HDAC4: variants seen among roughly 807,000 people sequenced by gnomAD.
HDAC4 encodes histone deacetylase 4.
Under a neutral mutation model 135.1 loss-of-function variants are expected in HDAC4, and 16 were observed. The ratio of observed to expected loss-of-function variants is 0.12; its 90% confidence interval spans 0.08 to 0.18. The LOEUF is 0.18. HDAC4 is among the 10% of genes least tolerant of loss of function. HDAC4 has a pLI of 1.00. For missense variants in HDAC4, 1,143 were observed against 1,511.8 expected (o/e 0.76, Z 4.05); for synonymous variants, 685 against 653.4 (o/e 1.05, Z -0.74).
intron 12 of HDAC4, among the ~76,000 whole-genome samples, chr2:239,120,409 A>ACAGACG (rs1559467037): frequency 8.4e-5 from 11 of 130,864 alleles, no homozygotes; most frequent in East Asian, 6.9e-4. Context: ...ACAGACACAC[A>ACAGACG]CACACAGACA....
At chr2:239,348,523 C>G (rs1001643473) in intron 2 of HDAC4, among the ~76,000 whole-genome samples, 1 of 152,196 alleles carries the variant, frequency 6.6e-6, no homozygotes, top group African/African-American at 2.4e-5. Flanking sequence ...GGAGAACTGT[C>G]CTTGGAGGAA....
At chr2:239,111,110 C>G (rs1006037416) in intron 14 of HDAC4, among the ~76,000 whole-genome samples, 1 of 152,270 alleles carries the variant, frequency 6.6e-6, no homozygotes, top group South Asian at 2.1e-4. Flanking sequence ...GCCAGCCATT[C>G]ACAGCCCTGT....
intron 14 of HDAC4, among the ~76,000 whole-genome samples, chr2:239,108,773 A>G (rs2038390385): frequency 6.6e-6 from 1 of 152,208 alleles, no homozygotes. Context: ...ACCCATGTAC[A>G]CAGGTCTACT....
chr2:239,205,501 T>C (rs1287288549), intron 3 of HDAC4, among the ~76,000 whole-genome samples: 1 of 151,922 alleles, frequency 6.6e-6, no homozygotes, highest in East Asian at 1.9e-4. Context: ...TATAAACATA[T>C]ACCAGGCTGA....
chr2:239,138,832 C>A (rs1254353016), intron 9 of HDAC4, among the ~76,000 whole-genome samples: 1 of 152,216 alleles, frequency 6.6e-6, no homozygotes, highest in Non-Finnish European at 1.5e-5. Context: ...GCAGGGGGCG[C>A]AAAGGAGCTC....
intron 20 of HDAC4, 39 bp from the exon 21 acceptor site, chr2:239,082,260 G>A (rs543778910): frequency 1.9e-6 from 3 of 1,613,998 alleles, no homozygotes; most frequent in South Asian, 2.2e-5. Flanking sequence ...GCTGAGGCAG[G>A]TATTGGAGGG....
At chr2:239,321,454 G>A (rs553691403) in intron 2 of HDAC4, among the ~76,000 whole-genome samples, 6 of 90,108 alleles carry the variant, frequency 6.7e-5, no homozygotes, top group Non-Finnish European at 1.2e-4. Flanking sequence ...GAAAGAGCAA[G>A]ACTCCGTCTC....
intron 1 of HDAC4, among the ~76,000 whole-genome samples, chr2:239,379,687 T>C (rs1006843961): frequency 1.2e-4 from 18 of 152,248 alleles, no homozygotes; most frequent in Admixed American, 6.5e-4. Flanking sequence ...ACCATTCCCC[T>C]GGCAGCCCCA....
At chr2:239,215,060 G>C (rs1291474033) in intron 3 of HDAC4, among the ~76,000 whole-genome samples, 1 of 152,204 alleles carries the variant, frequency 6.6e-6, no homozygotes, top group Non-Finnish European at 1.5e-5. Flanking sequence ...GCAGACATTC[G>C]AGCGGCAGAA....
chr2:239,102,975 A>G, intron 15 of HDAC4, 79 bp from the exon 16 acceptor site: 1 of 1,570,958 alleles, frequency 6.4e-7, no homozygotes, highest in Non-Finnish European at 8.7e-7. Flanking sequence ...ACTCCAACTG[A>G]AACCATTGCC....
At chr2:239,328,480 A>T (rs1378809978) in intron 2 of HDAC4, among the ~76,000 whole-genome samples, 1 of 152,164 alleles carries the variant, frequency 6.6e-6, no homozygotes, top group African/African-American at 2.4e-5. Context: ...CCAGACCTGA[A>T]TGTAACACTG....
In HDAC4 at chr2:239,121,377, C is replaced by T. The variant is rs889984741; in HGVS notation, c.1533+5079G>A. Among the ~76,000 whole-genome samples, 6 of 152,318 alleles carry T rather than the reference C, an allele frequency of 3.9e-5. No individual in the cohort carries two copies. The South Asian group carries it at 1.0e-3, about 26-fold the overall frequency. ...GGGGTCATAGCGGGGGTCAGCCTCT[C>T]TTCCTGGGGGGCTGTTTCAGGGGCC... On this transcript the variant is annotated intron_variant, in intron 12 of 26. Transcript: ENST00000543185.
chr2:239,347,058 C>A (rs929779620), intron 2 of HDAC4, among the ~76,000 whole-genome samples: 1 of 152,054 alleles, frequency 6.6e-6, no homozygotes. Context: ...CACACACATA[C>A]AACCTGTCTA....
chr2:239,174,173 CTG>C (rs1395854795), intron 5 of HDAC4, among the ~76,000 whole-genome samples: 1 of 152,086 alleles, frequency 6.6e-6, no homozygotes, highest in East Asian at 1.9e-4. Flanking sequence ...AAGGAAAAGA[CTG>C]AAACTGTATT....
At position 239,190,061 on chromosome 2, in the gene HDAC4, C is replaced by T. The variant is rs540431173; in HGVS notation, c.111G>A (p.Ala37=). The change falls in exon 4 of 27, where the codon GCG becomes GCA. Residue 37 remains alanine, a synonymous_variant. Transcript: ENST00000543185. ...CCGAGGGGGCCACTTGCAGAGGCAG[C>T]GCCGTGGCCACATCCACTGTGGGAA... ...HMPSTVDVAT[A]LPLQVAPSAV... 991 of 1,600,846 alleles carry T rather than the reference C, an allele frequency of 6.2e-4. 18 individuals are homozygous for T. In the South Asian group the frequency reaches 9.8e-3, roughly 16 times the overall value.
At position 239,086,499 on chromosome 2, in the gene HDAC4, G is replaced by A. The variant is rs185957659; in HGVS notation, c.2444+1060C>T. ...TACAATCTCTTCCCTGCACACGAAG[G>A]AGACTCTGCTCTAACATGTGGATCT... is the stretch of plus-strand genomic sequence containing the variant. On this transcript the variant is annotated intron_variant, in intron 19 of 26. Transcript: ENST00000543185. 1.6e-3 allele frequency among the ~76,000 whole-genome samples: 241 copies of A among 151,448 alleles called. 1 individual carries two copies. The highest frequency in any genetic ancestry group is 5.4e-3 in the African/African-American group (224 of 41,140).
chr2:239,283,766 C>T (rs1575606910), intron 2 of HDAC4, among the ~76,000 whole-genome samples: 1 of 152,218 alleles, frequency 6.6e-6, no homozygotes. Flanking sequence ...GAGGATCAGG[C>T]GGCCTTGATG....
chr2:239,125,486 G>T (rs867573665), intron 12 of HDAC4, among the ~76,000 whole-genome samples: 31 of 152,162 alleles, frequency 2.0e-4, no homozygotes, highest in African/African-American at 7.5e-4. Context: ...CGCAGTCTGA[G>T]GTATTTCTCT....
intron 7 of HDAC4, among the ~76,000 whole-genome samples, chr2:239,148,104 T>G (rs1531688): frequency 0.89 from 134,939 of 152,296 alleles, 60,194 homozygotes; most frequent in African/African-American, 0.97. Context: ...TGATGTAGCA[T>G]CAGAGAATGC....
Sources: allele counts gnomAD v4.1 joint callset (sites outside exome capture counted in the v4.1 genomes callset), GRCh38; gene constraint gnomAD v4.1.1; transcripts MANE v1.5; gene names NCBI Gene and HGNC (gene_info 2026-07-23, HGNC 2026-07-21).